Variants in UNC5D observed in about 807,000 individuals in gnomAD.
UNC5D encodes the protein netrin receptor UNC5D.
In UNC5D, 39 loss-of-function variants were observed where a neutral mutation model predicts 105.4. The ratio of observed to expected loss-of-function variants is 0.37; its 90% CI spans 0.29 to 0.48. The LOEUF is 0.48. Ranked by LOEUF, UNC5D falls within the 20% of genes least tolerant of loss-of-function variation. The probability of loss-of-function intolerance (pLI) is 0.98; values close to 1 mark genes in which losing one functional copy is unlikely to be tolerated. For missense variants in UNC5D, 991 were observed against 1,202.4 expected (o/e 0.82, Z 2.60); for synonymous variants, 452 against 450.4 (o/e 1.00, Z -0.04).
intron 4 of UNC5D, among the ~76,000 whole-genome samples, chr8:35,628,328 T>G (rs761923789): frequency 6.6e-6 from 1 of 152,102 alleles, no homozygotes; most frequent in Non-Finnish European, 1.5e-5. Flanking sequence ...GAGACAGGGT[T>G]TCACCACGTT....
chr8:35,381,704 AT>A (rs1009954910), intron 1 of UNC5D, among the ~76,000 whole-genome samples: 20 of 152,144 alleles, frequency 1.3e-4, no homozygotes, highest in Admixed American at 6.5e-5. Context: ...CACTTATTAA[AT>A]TTTTAGACTG....
intron 1 of UNC5D, chr8:35,525,707 C>T (rs1813822326): frequency 1.9e-6 from 3 of 1,596,340 alleles, no homozygotes; most frequent in Admixed American, 1.7e-5. Context: ...GCTCCTGGCA[C>T]GTCCGGCACG....
chr8:35,445,846 T>C (rs1302619567), intron 1 of UNC5D, among the ~76,000 whole-genome samples: 1 of 152,110 alleles, frequency 6.6e-6, no homozygotes, highest in Non-Finnish European at 1.5e-5. Context: ...GTAGTATTTA[T>C]TTATGAGTGA....
chr8:35,491,654 A>T (rs1289842555), intron 1 of UNC5D, among the ~76,000 whole-genome samples: 1 of 152,096 alleles, frequency 6.6e-6, no homozygotes, highest in Non-Finnish European at 1.5e-5. Flanking sequence ...GACTGGAAAT[A>T]CTTGTTACTG....
At chr8:35,237,909 G>A (rs1802573561) in intron 1 of UNC5D, among the ~76,000 whole-genome samples, 1 of 152,136 alleles carries the variant, frequency 6.6e-6, no homozygotes, top group Non-Finnish European at 1.5e-5. Context: ...AATAGAGGGT[G>A]TGTTTCAGTG....
intron 1 of UNC5D, among the ~76,000 whole-genome samples, chr8:35,430,410 A>C (rs1240809350): frequency 6.6e-5 from 10 of 152,078 alleles, no homozygotes; most frequent in Non-Finnish European, 1.3e-4. Flanking sequence ...AATATCCTTT[A>C]TAATAAACTG....
chr8:35,377,773 C>T (rs899648029), intron 1 of UNC5D, among the ~76,000 whole-genome samples: 1 of 152,180 alleles, frequency 6.6e-6, no homozygotes, highest in African/African-American at 2.4e-5. Flanking sequence ...AGGATTTAGG[C>T]AAAGGGTCAT....
chr8:35,498,388 G>A (rs1296903915), intron 1 of UNC5D, among the ~76,000 whole-genome samples: 1 of 152,092 alleles, frequency 6.6e-6, no homozygotes, highest in Non-Finnish European at 1.5e-5. Flanking sequence ...TATGTGCAAT[G>A]TAAATCTGAA....
intron 1 of UNC5D, among the ~76,000 whole-genome samples, chr8:35,245,568 G>C (rs562767139): frequency 1.3e-5 from 2 of 152,152 alleles, no homozygotes; most frequent in East Asian, 1.9e-4. Context: ...TTGGGGGTTT[G>C]CTATAAAGAA....
At chr8:35,341,110 A>G (rs1563327610) in intron 1 of UNC5D, among the ~76,000 whole-genome samples, 1 of 152,174 alleles carries the variant, frequency 6.6e-6, no homozygotes, top group East Asian at 1.9e-4. Flanking sequence ...GCTAAATCAC[A>G]AAGATATCAT....
At chr8:35,287,614 A>T (rs1585501252) in intron 1 of UNC5D, among the ~76,000 whole-genome samples, 1 of 151,574 alleles carries the variant, frequency 6.6e-6, no homozygotes, top group East Asian at 1.9e-4. Context: ...AGCAATATGG[A>T]GAAAACCTGC....
At chr8:35,372,806 T>A (rs1028827277) in intron 1 of UNC5D, among the ~76,000 whole-genome samples, 3 of 152,074 alleles carry the variant, frequency 2.0e-5, no homozygotes, top group Non-Finnish European at 1.5e-5. Flanking sequence ...TCTCACATTT[T>A]ACCCAGGCTG....
intron 15 of UNC5D, among the ~76,000 whole-genome samples, chr8:35,771,300 CAG>C (rs1022918372): frequency 3.9e-5 from 6 of 152,174 alleles, no homozygotes; most frequent in African/African-American, 1.4e-4. Flanking sequence ...TGAGGGCTTT[CAG>C]AGGCCAATTC....
At chr8:35,743,866 A>G (rs1829884088) in intron 11 of UNC5D, among the ~76,000 whole-genome samples, 1 of 152,168 alleles carries the variant, frequency 6.6e-6, no homozygotes, top group Non-Finnish European at 1.5e-5. Context: ...CAAACAAGAA[A>G]TTATCTTGTA....
chr8:35,269,351 C>A (rs1383503966), intron 1 of UNC5D, among the ~76,000 whole-genome samples: 1 of 152,132 alleles, frequency 6.6e-6, no homozygotes, highest in African/African-American at 2.4e-5. Flanking sequence ...GGTGTGCACT[C>A]TCCTCTTCTT....
rs150292936 is a variant in UNC5D, at chr8:35,744,805, C to A, written c.1767-3722C>A. Reference sequence around the variant, plus strand: ...TGGTGGCTTATACCTATAATCCCAGCACTTTGAGAGGCCGAGGTGGGTGGA... The same window carrying A: ...TGGTGGCTTATACCTATAATCCCAGAACTTTGAGAGGCCGAGGTGGGTGGA... On this transcript the variant is annotated intron_variant, in intron 11 of 16. Transcript: ENST00000404895. Among the ~76,000 whole-genome samples, 551 of 152,268 alleles carry A rather than the reference C, an allele frequency of 3.6e-3. 4 individuals carry two copies. The highest frequency in any genetic ancestry group is 0.012 in the African/African-American group (509 of 41,542).
chr8:35,441,801 G>C (rs1807420079), intron 1 of UNC5D, among the ~76,000 whole-genome samples: 1 of 151,256 alleles, frequency 6.6e-6, no homozygotes, highest in Non-Finnish European at 1.5e-5. Flanking sequence ...GAACGAAGGA[G>C]AATCAGCGCC....
intron 4 of UNC5D, among the ~76,000 whole-genome samples, chr8:35,650,231 C>T (rs754534591): frequency 5.7e-4 from 87 of 152,064 alleles, no homozygotes; most frequent in Non-Finnish European, 1.1e-3. Flanking sequence ...GGGTGATGAC[C>T]GAGGCTCTGG....
At chr8:35,289,491 G>C (rs988802908) in intron 1 of UNC5D, among the ~76,000 whole-genome samples, 85 of 152,208 alleles carry the variant, frequency 5.6e-4, no homozygotes, top group African/African-American at 2.0e-3. Context: ...TTGTAATTTA[G>C]ATCAAATAGA....
Sources: allele counts gnomAD v4.1 joint callset (sites outside exome capture counted in the v4.1 genomes callset), GRCh38; gene constraint gnomAD v4.1.1; transcripts MANE v1.5; gene names NCBI Gene and HGNC (gene_info 2026-07-23, HGNC 2026-07-21).